GPHN: variants seen among roughly 807,000 people sequenced by gnomAD.
GPHN encodes the protein gephyrin.
Under a neutral mutation model 95.5 loss-of-function variants are expected in GPHN, and 17 were observed. That is an observed-to-expected ratio of 0.18 (90% CI 0.12 to 0.27). The LOEUF (loss-of-function observed/expected upper bound fraction) is 0.27, where lower values mean the gene tolerates loss of function less well. GPHN is among the 10% of genes least tolerant of loss of function. The pLI is 1.00. For synonymous variants in GPHN, 320 were observed against 322.5 expected, an observed-to-expected ratio of 0.99 and a Z score of 0.08; for missense variants, 660 against 978.1, an observed-to-expected ratio of 0.67 and a Z score of 4.34.
the GPHN span, chr14:67,347,571 G>A: frequency 2.4e-5 from 19 of 803,708 alleles, no homozygotes; most frequent in Admixed American, 5.3e-5. Context: ...GCGTGATCTC[G>A]CCTCACCGCA....
chr14:67,580,642 C>G, the GPHN span, among the ~76,000 whole-genome samples: 2 of 152,344 alleles, frequency 1.3e-5, no homozygotes, highest in Admixed American at 1.3e-4. Context: ...GGAAATGGAG[C>G]TGGTGTTCGA....
intron 1 of GPHN, among the ~76,000 whole-genome samples, chr14:66,593,648 G>A (rs1341649879): frequency 6.6e-6 from 1 of 152,056 alleles, no homozygotes; most frequent in Non-Finnish European, 1.5e-5. Flanking sequence ...GGGACACAAA[G>A]CCAAATCATA....
intron 2 of GPHN, among the ~76,000 whole-genome samples, chr14:66,707,297 G>A (rs996024296): frequency 2.6e-5 from 4 of 152,126 alleles, no homozygotes; most frequent in Non-Finnish European, 5.9e-5. Context: ...ATTTGACACA[G>A]CAATTCCATT....
chr14:67,649,840 T>TA, the GPHN span: 1 of 152,224 alleles, frequency 6.6e-6, no homozygotes, highest in South Asian at 2.1e-4. Flanking sequence ...TATTCCTGAA[T>TA]ACTAGCTTGT....
chr14:67,460,200 T>C, the GPHN span, among the ~76,000 whole-genome samples: 1 of 152,046 alleles, frequency 6.6e-6, no homozygotes, highest in African/African-American at 2.4e-5. Flanking sequence ...AAAGGGATGG[T>C]TATAACAGGG....
the GPHN span, among the ~76,000 whole-genome samples, chr14:67,559,096 T>C: frequency 6.6e-6 from 1 of 152,258 alleles, no homozygotes; most frequent in Non-Finnish European, 1.5e-5. Flanking sequence ...TGAGCCACCA[T>C]GCCCAGCCAG....
At chr14:66,856,834 A>G (rs2062822974) in intron 4 of GPHN, among the ~76,000 whole-genome samples, 1 of 152,110 alleles carries the variant, frequency 6.6e-6, no homozygotes, top group South Asian at 2.1e-4. Flanking sequence ...TTTCATTTTT[A>G]TCATTATTAG....
intron 3 of GPHN, among the ~76,000 whole-genome samples, chr14:66,798,011 TTTTTGATGGC>T (rs1431580155): frequency 1.1e-4 from 16 of 151,968 alleles, no homozygotes; most frequent in Non-Finnish European, 2.4e-4. Context: ...TATCCTCAGT[TTTTTGATGGC>T]TTTTATCACA....
the GPHN span, among the ~76,000 whole-genome samples, chr14:67,240,434 G>C: frequency 6.6e-6 from 1 of 152,242 alleles, no homozygotes; most frequent in Admixed American, 6.5e-5. Flanking sequence ...CGAAGGCTTT[G>C]AGGGAGGACT....
the GPHN span, among the ~76,000 whole-genome samples, chr14:67,564,149 C>T: frequency 2.0e-5 from 3 of 152,092 alleles, no homozygotes; most frequent in African/African-American, 7.2e-5. Flanking sequence ...GATCCGCCCG[C>T]CTCAGCCTCC....
At chr14:67,602,114 G>A in the GPHN span, among the ~76,000 whole-genome samples, 2 of 152,044 alleles carry the variant, frequency 1.3e-5, no homozygotes, top group Non-Finnish European at 1.5e-5. Flanking sequence ...CCTGAGACTC[G>A]GTAATTTATA....
intron 2 of GPHN, among the ~76,000 whole-genome samples, chr14:66,734,241 T>G (rs1236449052): frequency 3.9e-5 from 6 of 152,198 alleles, no homozygotes; most frequent in African/African-American, 1.4e-4. Flanking sequence ...TTATTCAGGA[T>G]AGGCTACTAG....
the GPHN span, among the ~76,000 whole-genome samples, chr14:67,290,025 G>C: frequency 2.6e-5 from 4 of 152,044 alleles, no homozygotes; most frequent in Admixed American, 6.6e-5. Flanking sequence ...ACCCGCCTTG[G>C]TCTCCCAAAG....
the GPHN span, among the ~76,000 whole-genome samples, chr14:67,342,198 AAAT>A: frequency 2.1e-4 from 32 of 149,304 alleles, no homozygotes; most frequent in Admixed American, 1.3e-4. Flanking sequence ...ATAAATAAAT[AAAT>A]AAATAAATAA....
At chr14:67,302,561 T>C in the GPHN span, 3 of 1,511,022 alleles carry the variant, frequency 2.0e-6, no homozygotes, top group Admixed American at 6.1e-5. Flanking sequence ...AATGAGGTTT[T>C]TGACTTGTTG....
the GPHN span, chr14:67,533,492 A>AGGACGGCCCCTCGGGCCCG: frequency 1.3e-5 from 2 of 151,662 alleles, no homozygotes; most frequent in South Asian, 2.1e-4. Context: ...CCTCGGGCCC[A>AGGACGGCCCCTCGGGCCCG]GAGGACGATC....
intron 8 of GPHN, among the ~76,000 whole-genome samples, chr14:66,928,548 GTTC>G (rs777450087): frequency 7.2e-5 from 11 of 151,904 alleles, no homozygotes; most frequent in South Asian, 2.1e-4. Context: ...CTTTATTTCT[GTTC>G]TTCTACTAAT....
the GPHN span, among the ~76,000 whole-genome samples, chr14:67,703,301 G>A: frequency 6.6e-6 from 1 of 152,172 alleles, no homozygotes; most frequent in African/African-American, 2.4e-5. Context: ...TTTTGGGTAA[G>A]GTAGTTCGAT....
chr14:67,187,368 A>G, the GPHN span, among the ~76,000 whole-genome samples: 2 of 152,062 alleles, frequency 1.3e-5, no homozygotes, highest in Non-Finnish European at 2.9e-5. Flanking sequence ...CCAGCTTCCC[A>G]AACCTCTGAG....
Sources: gnomAD v4.1 joint callset for allele counts (sites outside exome capture counted in the v4.1 genomes callset) on GRCh38, gnomAD v4.1.1 for gene constraint, MANE v1.5 for transcripts, NCBI Gene and HGNC (gene_info 2026-07-23, HGNC 2026-07-21) for gene names.